HIVEP2: variants seen among roughly 807,000 people sequenced by gnomAD.
HIVEP2 encodes HIVEP zinc finger 2.
In HIVEP2, 14 loss-of-function variants were observed where a neutral mutation model predicts 180.7. The observed-to-expected ratio is 0.08, with a 90% CI of 0.05 to 0.12. The LOEUF is 0.12. HIVEP2 is among the 10% of genes least tolerant of loss of function. The pLI is 1.00. For synonymous variants in HIVEP2, 1,184 were observed against 1,136.4 expected, an observed-to-expected ratio of 1.04 and a Z score of -0.84; for missense variants, 2,579 against 3,008.5, an observed-to-expected ratio of 0.86 and a Z score of 3.34.
rs1325363027 is a variant in HIVEP2, at chr6:142,759,834, G to C, written c.6454C>G (p.His2152Asp). 6.2e-7 allele frequency: 1 copy of C among 1,613,522 alleles called. No homozygotes were observed. Among genetic ancestry groups the C allele is most frequent in the African/African-American group, 1.3e-5 (1 of 74,918 alleles). The change falls in exon 9 of 10, where the codon CAT becomes GAT. Residue 2152 changes from histidine (H) to aspartate (D), a missense_variant. His to Asp is a moderately conservative substitution (Grantham distance 81). Coordinates refer to ENST00000367603, the MANE Select transcript of HIVEP2 (RefSeq NM_006734.4). ...RAPSPRRALY[H>D]NPPLSMGQYL... is the part of the protein sequence containing the mutation. ...TGTCCCATGGACAATGGTGGGTTATGGTATAAAGCCCTTCTGGGAGATGGC... is the reference window on the plus strand; with the variant it reads ...TGTCCCATGGACAATGGTGGGTTATCGTATAAAGCCCTTCTGGGAGATGGC...
At chr6:142,763,267 G>A (rs180759613) in intron 7 of HIVEP2, among the ~76,000 whole-genome samples, 1 of 152,208 alleles carries the variant, frequency 6.6e-6, no homozygotes, top group African/African-American at 2.4e-5. Context: ...GGAGAGTGGC[G>A]GGGGAGGCCC....
intron 2 of HIVEP2, among the ~76,000 whole-genome samples, chr6:142,784,678 T>C (rs1775939900): frequency 6.6e-6 from 1 of 152,162 alleles, no homozygotes; most frequent in African/African-American, 2.4e-5. Flanking sequence ...ATTAAGCAAA[T>C]GCTAGATTTA....
intron 1 of HIVEP2, among the ~76,000 whole-genome samples, chr6:142,837,583 T>C (rs1775256765): frequency 2.6e-5 from 4 of 152,064 alleles, no homozygotes; most frequent in Admixed American, 2.6e-4. Context: ...TCCAAATCAT[T>C]CTGAGAATGT....
chr6:142,923,806 C>G (rs1242061567), intron 1 of HIVEP2, among the ~76,000 whole-genome samples: 1 of 152,192 alleles, frequency 6.6e-6, no homozygotes, highest in Non-Finnish European at 1.5e-5. Flanking sequence ...GCAGGAGGTA[C>G]AGCAACGGCT....
chr6:142,810,269 C>T (rs1225431050), intron 2 of HIVEP2, among the ~76,000 whole-genome samples: 4 of 151,984 alleles, frequency 2.6e-5, no homozygotes, highest in Non-Finnish European at 4.4e-5. Context: ...ATATTTTTTT[C>T]AATGACTATA....
chr6:142,911,139 T>TAAAAAAAAAAAAAAAAAAAAAAAAAAAA (rs5880554), intron 1 of HIVEP2, among the ~76,000 whole-genome samples: 2 of 106,214 alleles, frequency 1.9e-5, no homozygotes, highest in Middle Eastern at 5.3e-3. Flanking sequence ...ACAAACACAT[T>TAAAAAAAAAAAAAAAAAAAAAAAAAAAA]AAAAAAAAAA....
chr6:142,816,627 C>G (rs1776844378), intron 2 of HIVEP2, among the ~76,000 whole-genome samples: 1 of 152,188 alleles, frequency 6.6e-6, no homozygotes, highest in Non-Finnish European at 1.5e-5. Flanking sequence ...CTGTTTTCCC[C>G]ACACAAATGT....
intron 2 of HIVEP2, among the ~76,000 whole-genome samples, chr6:142,814,245 T>C (rs192840491): frequency 2.0e-5 from 3 of 152,214 alleles, no homozygotes; most frequent in African/African-American, 7.2e-5. Flanking sequence ...CACCAAAGCA[T>C]AAAGAAACCA....
At chr6:142,762,292 A>G (rs755709863) in intron 7 of HIVEP2, among the ~76,000 whole-genome samples, 72 of 152,302 alleles carry the variant, frequency 4.7e-4, no homozygotes, top group Middle Eastern at 3.4e-3. Flanking sequence ...GAAAGGTTTC[A>G]TGCTGAATAT....
chr6:142,808,250 C>T (rs1327128575), intron 2 of HIVEP2, among the ~76,000 whole-genome samples: 1 of 152,210 alleles, frequency 6.6e-6, no homozygotes, highest in Non-Finnish European at 1.5e-5. Flanking sequence ...TAAGACCCAA[C>T]TCATATGCCA....
chr6:142,801,541 T>G (rs1776411924), intron 2 of HIVEP2, among the ~76,000 whole-genome samples: 1 of 151,928 alleles, frequency 6.6e-6, no homozygotes, highest in Non-Finnish European at 1.5e-5. Context: ...AAGCGAATTC[T>G]CTTTTACTCC....
Position 142,772,931 on chromosome 6 carries a change from T to C in HIVEP2, c.1808A>G (p.Glu603Gly). The C allele has an allele frequency of 6.2e-7, 1 of 1,614,162 alleles. No homozygotes were observed. The highest frequency in any genetic ancestry group is 8.5e-7 in the Non-Finnish European group (1 of 1,180,026). The change falls in exon 5 of 10, where the codon GAG becomes GGG. Residue 603 changes from glutamate to glycine, a missense_variant. By Grantham distance (98) the Glu-to-Gly change is moderately conservative (BLOSUM62 -2). Coordinates refer to ENST00000367603, the MANE Select transcript of HIVEP2 (RefSeq NM_006734.4). This position sits in a 1 kb window ranked among gnomAD's most constrained non-coding sequence, Gnocchi z 4.9. ...QAAFELPSVQ[E>G]GHVEVEHHGR... ...ATGGTGCTCGACTTCCACGTGGCCC[T>C]CCTGTACCGAAGGCAGCTCAAATGC...
chr6:142,939,086 T>TA (rs1426515157), intron 1 of HIVEP2, among the ~76,000 whole-genome samples: 6 of 152,244 alleles, frequency 3.9e-5, no homozygotes, highest in East Asian at 1.9e-4. Context: ...TATTCCGTAG[T>TA]AAAAAAAATT....
At chr6:142,923,961 T>C (rs1451373267) in intron 1 of HIVEP2, among the ~76,000 whole-genome samples, 1 of 152,202 alleles carries the variant, frequency 6.6e-6, no homozygotes, top group Admixed American at 6.5e-5. Context: ...GAGGGTTAAG[T>C]GCTAGTTAAA....
chr6:142,898,230 C>T (rs35146504), intron 1 of HIVEP2, among the ~76,000 whole-genome samples: 9,474 of 152,246 alleles, frequency 0.062, 387 homozygotes, highest in Middle Eastern at 0.11. Flanking sequence ...ACCAGGAAAT[C>T]AAGGATCCCA....
Position 142,785,376 on chromosome 6 carries a change from T to C in HIVEP2, c.-527-1761A>G, listed in dbSNP as rs562337750. 3.0e-5 allele frequency among the ~76,000 whole-genome samples: 4 copies of C among 132,640 alleles called. No homozygotes were observed. The South Asian group carries it at 1.0e-3, about 34-fold the overall frequency. 87.0% of individuals were successfully genotyped at this position (132,640 alleles called of 152,430 possible). On this transcript the variant is annotated intron_variant, in intron 2 of 9. Coordinates refer to ENST00000367603, the MANE Select transcript of HIVEP2 (RefSeq NM_006734.4). Reference sequence around the variant, plus strand: ...AAGAAGAAATCACTGAGTTATTTTGTACTCCAAGCAAAATGCATCCAAGAC... The same window carrying C: ...AAGAAGAAATCACTGAGTTATTTTGCACTCCAAGCAAAATGCATCCAAGAC...
intron 1 of HIVEP2, among the ~76,000 whole-genome samples, chr6:142,909,520 TATATTAA>T (rs1462046905): frequency 6.6e-6 from 1 of 152,162 alleles, no homozygotes; most frequent in Non-Finnish European, 1.5e-5. Flanking sequence ...TGAATGAATA[TATATTAA>T]GCATGTTTAA....
chr6:142,824,946 G>A (rs1206848062), intron 2 of HIVEP2, among the ~76,000 whole-genome samples: 1 of 152,230 alleles, frequency 6.6e-6, no homozygotes, highest in Admixed American at 6.5e-5. Flanking sequence ...CAAGTAGGAG[G>A]AAGAATGGCC....
intron 1 of HIVEP2, among the ~76,000 whole-genome samples, chr6:142,932,370 G>A (rs1777959859): frequency 6.6e-6 from 1 of 152,102 alleles, no homozygotes; most frequent in South Asian, 2.1e-4. Context: ...GTCTCAGCAA[G>A]CATGGCTAGT....
Sources: allele counts gnomAD v4.1 joint callset (sites outside exome capture counted in the v4.1 genomes callset), GRCh38; gene constraint gnomAD v4.1.1; non-coding constraint Gnocchi (gnomAD v3.1); transcripts MANE v1.5; gene names NCBI Gene and HGNC (gene_info 2026-07-23, HGNC 2026-07-21).